ESYT2: variants seen among roughly 807,000 people sequenced by gnomAD.
ESYT2 encodes extended synaptotagmin-2.
A neutral mutation model predicts 107.2 loss-of-function variants in ESYT2; 54 were observed. The observed-to-expected ratio is 0.50, with a 90% CI of 0.40 to 0.63. The LOEUF is 0.63. Among genes scored for constraint, ESYT2 ranks in the 30% least tolerant of loss-of-function variants. The pLI is 0.00. For synonymous variants in ESYT2, 491 were observed against 434.1 expected (o/e 1.13, Z -1.63); for missense variants, 1,020 against 1,094.5 (o/e 0.93, Z 0.96).
chr7:158,781,822 T>G (rs1004358675), intron 6 of ESYT2, among the ~76,000 whole-genome samples: 2 of 150,212 alleles, frequency 1.3e-5, no homozygotes, highest in Non-Finnish European at 3.0e-5. Flanking sequence ...GATGTGAGTG[T>G]AATAACGAGA....
intron 10 of ESYT2, among the ~76,000 whole-genome samples, chr7:158,762,064 C>T (rs1220141831): frequency 2.6e-5 from 4 of 152,052 alleles, no homozygotes; most frequent in African/African-American, 9.7e-5. Context: ...GCATTGAGCC[C>T]GATGGACGCC....
intron 14 of ESYT2, among the ~76,000 whole-genome samples, chr7:158,751,842 A>G (rs1437420368): frequency 6.6e-6 from 1 of 152,234 alleles, no homozygotes; most frequent in Admixed American, 6.5e-5. Context: ...CAGATAGCAA[A>G]GAAGAGTGTT....
intron 14 of ESYT2, among the ~76,000 whole-genome samples, chr7:158,750,159 C>A (rs114106799): frequency 0.033 from 5,025 of 152,090 alleles, 229 homozygotes; most frequent in African/African-American, 0.11. Context: ...GTGTCAGATA[C>A]ACGGTTTTAT....
intron 1 of ESYT2, among the ~76,000 whole-genome samples, chr7:158,825,286 C>T (rs1840407222): frequency 6.6e-6 from 1 of 152,090 alleles, no homozygotes; most frequent in South Asian, 2.1e-4. Context: ...GAGTGAGACT[C>T]CGTCTCAAAA....
intron 1 of ESYT2, among the ~76,000 whole-genome samples, chr7:158,814,346 T>A (rs7792615): frequency 6.2e-3 from 14 of 2,272 alleles, no homozygotes; most frequent in East Asian, 0.032. Context: ...TATATATATA[T>A]GAAATAATAT....
intron 1 of ESYT2, among the ~76,000 whole-genome samples, chr7:158,814,160 G>C (rs1042465582): frequency 6.6e-6 from 1 of 151,578 alleles, no homozygotes; most frequent in Non-Finnish European, 1.5e-5. Context: ...TGTAGTCCCA[G>C]CTACTCGGAA....
At chr7:158,756,065 T>G (rs1321315329) in intron 13 of ESYT2, among the ~76,000 whole-genome samples, 2 of 152,218 alleles carry the variant, frequency 1.3e-5, no homozygotes, top group East Asian at 3.8e-4. Flanking sequence ...TCTTCAAGTT[T>G]TGCCCCCTAC....
At position 158,733,835 on chromosome 7, in the gene ESYT2, G is replaced by A. The variant is rs1032313490; in HGVS notation, c.*372C>T. On this transcript the variant is annotated 3_prime_UTR_variant, in exon 23 of 23. Coordinates refer to ENST00000275418, the MANE Select transcript of ESYT2 (RefSeq NM_001367773.1). ...TTTCCTTCTGAATTTAAACCAGCAT[G>A]TAAAGATTATAAAAAATAGTCTATT... 5.6e-5 allele frequency: 9 copies of A among 161,426 alleles called. No homozygotes were observed. In the East Asian group the frequency reaches 1.6e-3, roughly 29 times the overall value. 10.0% of individuals were successfully genotyped at this position (161,426 alleles called of 1,614,324 possible).
chr7:158,757,646 C>A lies in ESYT2; in HGVS notation c.1419+1840G>T, dbSNP rs1346637701. 3.9e-5 allele frequency among the ~76,000 whole-genome samples: 6 copies of A among 152,210 alleles called. No individual in the cohort carries two copies. In the South Asian group the frequency reaches 6.2e-4, roughly 16 times the overall value. On this transcript the variant is annotated intron_variant, in intron 13 of 22. Coordinates refer to ENST00000275418, the MANE Select transcript of ESYT2 (RefSeq NM_001367773.1). ...AGAGCCCGCGGGACGCCCCTTAATC[C>A]CGCGCCAGGCACCCCGCGGCTCTGC...
intron 3 of ESYT2, 86 bp downstream of exon 3, chr7:158,797,856 G>GAAA (rs11404991): frequency 2.2e-3 from 2,619 of 1,214,474 alleles, no homozygotes; most frequent in South Asian, 2.7e-3. Context: ...TCCGTCTCAA[G>GAAA]AAAAAAAAAA....
intron 1 of ESYT2, among the ~76,000 whole-genome samples, chr7:158,820,640 G>T (rs116289811): frequency 0.02 from 2,971 of 152,246 alleles, 94 homozygotes; most frequent in African/African-American, 0.067. Context: ...TTAAAAATTA[G>T]TGAGACGTGG....
intron 1 of ESYT2, among the ~76,000 whole-genome samples, chr7:158,814,701 A>C (rs1469252832): frequency 6.6e-6 from 1 of 152,238 alleles, no homozygotes; most frequent in Non-Finnish European, 1.5e-5. Context: ...GTAACCTGCC[A>C]CCACCCTGGT....
intron 16 of ESYT2, among the ~76,000 whole-genome samples, chr7:158,747,982 C>G (rs1244331600): frequency 2.6e-5 from 4 of 152,116 alleles, no homozygotes; most frequent in Admixed American, 6.5e-5. Flanking sequence ...GTATAAAATC[C>G]TGGAAAATGT....
At chr7:158,765,968 G>A (rs1420796668) in intron 8 of ESYT2, among the ~76,000 whole-genome samples, 1 of 151,976 alleles carries the variant, frequency 6.6e-6, no homozygotes, top group African/African-American at 2.4e-5. Context: ...GGGAGGCCGA[G>A]GTGGGCGGAT....
intron 1 of ESYT2, among the ~76,000 whole-genome samples, chr7:158,814,231 G>C (rs938761326): frequency 6.7e-6 from 1 of 148,822 alleles, no homozygotes; most frequent in Non-Finnish European, 1.5e-5. Flanking sequence ...CCAAGATCGC[G>C]CCACTGCACT....
chr7:158,732,439 A>G lies in ESYT2; in HGVS notation c.*1768T>C, dbSNP rs193238351. 1.2e-3 allele frequency: 177 copies of G among 152,374 alleles called. No individual in the cohort carries two copies. Among genetic ancestry groups the G allele is most frequent in the African/African-American group, 4.1e-3 (172 of 41,584 alleles). The allele number at this position is 152,374 out of a possible 1,614,324, so 9.4% of individuals were successfully genotyped here. A position where few individuals can be genotyped will look rare whatever the true frequency, so the allele number is the denominator to read the frequency against. On this transcript the variant is annotated 3_prime_UTR_variant, in exon 23 of 23. Transcript: ENST00000275418. Reference sequence around the variant, plus strand: ...TATACTAACATTGGAAATGGTTTATAAAGAGGCTTTACAGTCGCATGTCAT... The same window carrying G: ...TATACTAACATTGGAAATGGTTTATGAAGAGGCTTTACAGTCGCATGTCAT...
intron 1 of ESYT2, among the ~76,000 whole-genome samples, chr7:158,802,058 C>G (rs552092085): frequency 5.6e-4 from 85 of 152,288 alleles, no homozygotes; most frequent in African/African-American, 2.0e-3. Flanking sequence ...CTGCTATGCC[C>G]TGCTGAAGTA....
chr7:158,761,484 A>T lies in ESYT2; in HGVS notation c.1233+12T>A. On this transcript the variant is annotated intron_variant, in intron 11 of 22. Transcript: ENST00000275418. The stretch of plus-strand genomic sequence containing the variant: ...ACAATTGTAAACAGACCCACACTCC[A>T]GGGAAACTTACTTCATCTAAAAGGC... 1 of 1,613,950 alleles carries T rather than the reference A, an allele frequency of 6.2e-7. No individual in the cohort carries two copies. Among genetic ancestry groups the T allele is most frequent in the Non-Finnish European group, 8.5e-7 (1 of 1,179,846 alleles).
In ESYT2 at chr7:158,761,509, C is replaced by T. The variant is rs1311865718; in HGVS notation, c.1220G>A (p.Arg407His). 3.7e-6 allele frequency: 6 copies of T among 1,613,982 alleles called. No individual in the cohort carries two copies. The highest frequency in any genetic ancestry group is 2.2e-5 in the East Asian group (1 of 44,880). The change falls in exon 11 of 23, where the codon CGC becomes CAC. Residue 407 changes from arginine (R) to histidine (H), a missense_variant. By Grantham distance (29) the Arg-to-His change is conservative. Coordinates refer to ENST00000275418, the MANE Select transcript of ESYT2 (RefSeq NM_001367773.1). ...MIDLIEVEKE[R>H]LLDEWFTLDE... is the part of the protein sequence containing the mutation. ...AGGGAAACTTACTTCATCTAAAAGG[C>T]GCTCCTTTTCAACTTCAATGAGGTC... is the stretch of plus-strand genomic sequence containing the variant.
Sources: gnomAD v4.1 joint callset for allele counts (sites outside exome capture counted in the v4.1 genomes callset) on GRCh38, gnomAD v4.1.1 for gene constraint, MANE v1.5 for transcripts, NCBI Gene and HGNC (gene_info 2026-07-23, HGNC 2026-07-21) for gene names.